Variants in ALK observed in about 807,000 individuals in gnomAD.
The protein encoded by ALK is ALK receptor tyrosine kinase, also known as ALK tyrosine kinase receptor.
A neutral mutation model predicts 163.1 loss-of-function variants in ALK; 74 were observed. The observed-to-expected ratio is 0.45, with a 90% CI of 0.38 to 0.55. The LOEUF (loss-of-function observed/expected upper bound fraction) is 0.55. Among genes scored for constraint, ALK ranks in the 20% least tolerant of loss-of-function variants. The pLI is 0.00. For synonymous variants in ALK, 960 were observed against 843.2 expected (o/e 1.14, Z -2.40); for missense variants, 2,063 against 2,105.3 (o/e 0.98, Z 0.39).
chr2:29,300,322 G>A (rs1309394636), intron 8 of ALK, among the ~76,000 whole-genome samples: 1 of 152,130 alleles, frequency 6.6e-6, no homozygotes, highest in Non-Finnish European at 1.5e-5. Flanking sequence ...GCCGAGTCAG[G>A]TGGATCACTT....
intron 25 of ALK, among the ~76,000 whole-genome samples, chr2:29,208,294 A>G (rs955850429): frequency 6.6e-6 from 1 of 152,146 alleles, no homozygotes; most frequent in Non-Finnish European, 1.5e-5. Flanking sequence ...GACCCGTGCC[A>G]TTGTACAAAG....
chr2:29,296,920 C>A lies in ALK; in HGVS notation c.1785G>T (p.Trp595Cys). The change falls in exon 9 of 29, where the codon TGG (tryptophan) becomes TGT (cysteine). Residue 595 changes from tryptophan (W) to cysteine (C), a missense_variant. This residue lies in a region of ALK where 987 missense variants were observed against 939.5 expected (regional missense o/e 1.05). Coordinates refer to ENST00000389048, the MANE Select transcript of ALK (RefSeq NM_004304.5). ...AAYEGLSLWQWMVLPLLDVSD... is the reference protein window; with the variant it reads ...AAYEGLSLWQCMVLPLLDVSD... ...ACACATCGAGGAGAGGCAACACCAT[C>A]CACTGCCACAGGCTCAAGCCTTCAT... 2 of 1,614,176 alleles carry A rather than the reference C, an allele frequency of 1.2e-6. No homozygotes were observed. Among genetic ancestry groups the A allele is most frequent in the Non-Finnish European group, 8.5e-7 (1 of 1,180,020 alleles).
At chr2:29,913,665 A>G (rs1478673334) in intron 1 of ALK, among the ~76,000 whole-genome samples, 1 of 152,136 alleles carries the variant, frequency 6.6e-6, no homozygotes, top group Non-Finnish European at 1.5e-5. Context: ...TGGTTCATAG[A>G]AACCACCATG....
rs1401716398 is a variant in ALK at position 29,855,312 on chromosome 2, T to C, written c.667+64681A>G. Among the ~76,000 whole-genome samples the C allele has an allele frequency of 2.6e-4, 39 of 152,130 alleles. 1 individual carries two copies. Among genetic ancestry groups the C allele is most frequent in the Admixed American group, 2.6e-3 (39 of 15,276 alleles). ...TTAGGTTAAGAGACTTACATCTGAG[T>C]CAGAATGAATCTTGGGCCCATGCTA... On this transcript the variant is annotated intron_variant, in intron 1 of 28. Transcript: ENST00000389048.
intron 1 of ALK, among the ~76,000 whole-genome samples, chr2:29,799,911 T>C (rs908111364): frequency 1.3e-5 from 2 of 152,248 alleles, no homozygotes; most frequent in African/African-American, 4.8e-5. Context: ...GCCAGCATCC[T>C]TGCATTCATC....
intron 4 of ALK, among the ~76,000 whole-genome samples, chr2:29,477,917 G>A (rs1423731325): frequency 6.6e-6 from 1 of 152,210 alleles, no homozygotes; most frequent in Non-Finnish European, 1.5e-5. Context: ...GAGCCTATAG[G>A]CGAAGCAAGG....
At chr2:29,579,863 C>A (rs112348914) in intron 3 of ALK, among the ~76,000 whole-genome samples, 292 of 152,286 alleles carry the variant, frequency 1.9e-3, no homozygotes, top group African/African-American at 6.6e-3. Flanking sequence ...TCTGCACCCC[C>A]CAGAACCCAG....
At chr2:29,469,427 A>G (rs1320703368) in intron 4 of ALK, among the ~76,000 whole-genome samples, 12 of 152,174 alleles carry the variant, frequency 7.9e-5, no homozygotes, top group African/African-American at 2.9e-4. Flanking sequence ...ATAAGGGCCC[A>G]CTTGCATTTA....
chr2:29,580,625 AG>A (rs1674660472), intron 3 of ALK, among the ~76,000 whole-genome samples: 1 of 152,256 alleles, frequency 6.6e-6, no homozygotes, highest in African/African-American at 2.4e-5. Flanking sequence ...ATAATAAGGA[AG>A]ATGAGCAACA....
chr2:29,802,751 G>A (rs1214847807), intron 1 of ALK, among the ~76,000 whole-genome samples: 2 of 150,574 alleles, frequency 1.3e-5, no homozygotes, highest in Non-Finnish European at 3.0e-5. Context: ...CTGGAAAGGG[G>A]AAAAGAAACA....
At chr2:29,589,162 C>T (rs1674975646) in intron 3 of ALK, among the ~76,000 whole-genome samples, 2 of 152,168 alleles carry the variant, frequency 1.3e-5, no homozygotes, top group Admixed American at 6.5e-5. Context: ...TGATAATAAA[C>T]TACCAAAGCT....
chr2:29,365,931 C>T (rs1214717131), intron 5 of ALK, among the ~76,000 whole-genome samples: 1 of 152,184 alleles, frequency 6.6e-6, no homozygotes, highest in African/African-American at 2.4e-5. Context: ...TGCTTTGCAA[C>T]ATCGCCTGAG....
At chr2:29,555,171 A>G (rs1673817988) in intron 3 of ALK, among the ~76,000 whole-genome samples, 1 of 152,108 alleles carries the variant, frequency 6.6e-6, no homozygotes, top group Admixed American at 6.5e-5. Context: ...ATGAGATCTG[A>G]GAACCCTCTC....
At chr2:29,690,498 C>T (rs976874361) in intron 3 of ALK, among the ~76,000 whole-genome samples, 7 of 152,108 alleles carry the variant, frequency 4.6e-5, no homozygotes, top group Non-Finnish European at 8.8e-5. Context: ...AGAGTAAAAT[C>T]TTGCCTTACT....
chr2:29,684,935 G>T (rs1187342228), intron 3 of ALK, among the ~76,000 whole-genome samples: 1 of 152,206 alleles, frequency 6.6e-6, no homozygotes, highest in Non-Finnish European at 1.5e-5. Context: ...TTTAATGAAT[G>T]CCTATTTTAT....
At chr2:29,524,896 T>C (rs898061382) in intron 4 of ALK, among the ~76,000 whole-genome samples, 9 of 151,636 alleles carry the variant, frequency 5.9e-5, no homozygotes, top group Non-Finnish European at 1.3e-4. Context: ...GATGGGTAGA[T>C]GGATGGATGG....
At chr2:29,200,779 A>ACATACG (rs1287278719) in intron 26 of ALK, among the ~76,000 whole-genome samples, 1 of 135,874 alleles carries the variant, frequency 7.4e-6, no homozygotes, top group Non-Finnish European at 1.5e-5. Context: ...ATACGTATAT[A>ACATACG]TATGTATATA....
chr2:29,225,179 G>A (rs1663922628), intron 19 of ALK, among the ~76,000 whole-genome samples: 1 of 152,142 alleles, frequency 6.6e-6, no homozygotes, highest in Non-Finnish European at 1.5e-5. Context: ...TCACCATCGT[G>A]ATGGACACTG....
intron 24 of ALK, among the ~76,000 whole-genome samples, chr2:29,211,533 A>G (rs1669465827): frequency 6.6e-6 from 1 of 152,368 alleles, no homozygotes; most frequent in South Asian, 2.1e-4. Context: ...TCCAAAGGAA[A>G]AAGATCCAAT....
Sources: gnomAD v4.1 joint callset for allele counts (sites outside exome capture counted in the v4.1 genomes callset) on GRCh38, gnomAD v4.1.1 for gene constraint, gnomAD v4.1.1 regional missense constraint, MANE v1.5 for transcripts, NCBI Gene and HGNC (gene_info 2026-07-23, HGNC 2026-07-21) for gene names.